The following COPS7A variants were observed in gnomAD, a reference collection of about 807,000 sequenced individuals.
COPS7A encodes COP9 signalosome subunit 7A, also known as COP9 signalosome complex subunit 7a.
Under a neutral mutation model 35.2 loss-of-function variants are expected in COPS7A, and 20 were observed. The ratio of observed to expected loss-of-function variants is 0.57; its 90% CI spans 0.40 to 0.83. The LOEUF (loss-of-function observed/expected upper bound fraction) is 0.83, where lower values mean the gene tolerates loss of function less well. Ranked by LOEUF, COPS7A falls within the 40% of genes least tolerant of loss-of-function variation. The pLI, the probability that COPS7A is intolerant of heterozygous loss-of-function variation, is 0.00. For missense variants in COPS7A, 247 were observed against 347.5 expected (o/e 0.71, Z 2.30); for synonymous variants, 139 against 141.4 (o/e 0.98, Z 0.12).
Position 6,729,442 on chromosome 12 carries a change from C to A in COPS7A, c.523C>A (p.Gln175Lys). ...CCTCAGTGCCATTGCCCGAACCCTG[C>A]AGGAATGGTGAGAACCGTATCCTGG... ...QDLSAIARTL[Q>K]EWCVGCEVVL... is the part of the protein sequence containing the mutation. The change falls in exon 5 of 8, where the codon CAG becomes AAG. Residue 175 changes from glutamine (Q) to lysine (K), a missense_variant. Gln to Lys is a moderately conservative substitution (Grantham distance 53). Coordinates refer to ENST00000543155, the MANE Select transcript of COPS7A (RefSeq NM_001164094.2). This position sits in a 1 kb window ranked among gnomAD's most constrained non-coding sequence, Gnocchi z 4.2. 1.2e-6 allele frequency: 2 copies of A among 1,613,510 alleles called. No individual in the cohort carries two copies. Among genetic ancestry groups the A allele is most frequent in the South Asian group, 2.2e-5 (2 of 91,072 alleles).
chr12:6,728,337 G>A (rs200503539), intron 4 of COPS7A, 26 bp downstream of exon 4: 5 of 1,592,844 alleles, frequency 3.1e-6, no homozygotes, highest in East Asian at 2.2e-5. Context: ...CCAGTCCTAC[G>A]GTCTAGAGCA....
rs1941187056 is a variant in COPS7A, at chr12:6,724,108, C to G, written c.-115C>G. 4.1e-6 allele frequency: 1 copy of G among 242,002 alleles called. No individual in the cohort carries two copies. The allele number at this position is 242,002 out of a possible 1,614,324, so 15.0% of individuals were successfully genotyped here. A position where few individuals can be genotyped will look rare whatever the true frequency, so the allele number is the denominator to read the frequency against. On this transcript the variant is annotated 5_prime_UTR_variant, in exon 1 of 8. Coordinates refer to ENST00000543155, the MANE Select transcript of COPS7A (RefSeq NM_001164094.2). Reference sequence around the variant, plus strand: ...GGCTTGGAACAGCTGCCGGAGGTGACGGAGCGGCGGCCCCGCCCGGTGCGC... The same window carrying G: ...GGCTTGGAACAGCTGCCGGAGGTGAGGGAGCGGCGGCCCCGCCCGGTGCGC...
intron 2 of COPS7A, among the ~76,000 whole-genome samples, chr12:6,727,032 T>C (rs927908328): frequency 1.3e-5 from 2 of 152,146 alleles, no homozygotes; most frequent in Admixed American, 6.5e-5. Flanking sequence ...CTGCAAGGAT[T>C]GATTGATTAA....
chr12:6,724,521 A>C (rs1941199948), intron 1 of COPS7A, 93 bp from the exon 2 acceptor site: 7 of 1,035,876 alleles, frequency 6.8e-6, no homozygotes, highest in Non-Finnish European at 1.0e-5. Flanking sequence ...CGCAGAACCG[A>C]CTTAGTGCCT....
rs1311678062 is a variant in COPS7A, at chr12:6,729,182, G to A, written c.328-65G>A. The A allele has an allele frequency of 1.9e-6, 3 of 1,571,128 alleles. No individual in the cohort carries two copies. The highest frequency in any genetic ancestry group is 2.2e-5 in the South Asian group (2 of 89,952). ...CTAGGGCAGGGGGAAAAGGAGGGAAGATTTTTGGAAGCCCTTCTCTACTAC... is the reference window on the plus strand; with the variant it reads ...CTAGGGCAGGGGGAAAAGGAGGGAAAATTTTTGGAAGCCCTTCTCTACTAC... On this transcript the variant is annotated intron_variant, in intron 4 of 7. Transcript: ENST00000543155. The surrounding 1 kb of genome is among the most constrained non-coding windows in gnomAD (Gnocchi z 4.2).
In COPS7A at chr12:6,728,212, T is replaced by G. The variant is rs182144203; in HGVS notation, c.239-11T>G. 2 of 1,612,726 alleles carry G rather than the reference T, an allele frequency of 1.2e-6. No individual in the cohort carries two copies. Among genetic ancestry groups the G allele is most frequent in the African/African-American group, 2.7e-5 (2 of 74,988 alleles). ...AATCAGGATTCCTTACACTTTGTCGTTTTTCCCTAGCTGAAGCCCGGAATC... is the reference window on the plus strand; with the variant it reads ...AATCAGGATTCCTTACACTTTGTCGGTTTTCCCTAGCTGAAGCCCGGAATC... On this transcript the variant is annotated splice_polypyrimidine_tract_variant and intron_variant, in intron 3 of 7. Coordinates refer to ENST00000543155, the MANE Select transcript of COPS7A (RefSeq NM_001164094.2).
At chr12:6,730,973 TC>T (rs764400753) in intron 7 of COPS7A, 26 bp from the exon 8 acceptor site, 17 of 1,605,818 alleles carry the variant, frequency 1.1e-5, no homozygotes, top group Admixed American at 1.0e-4. Context: ...TCTCTCTCTC[TC>T]TCTTTCTCTC....
At chr12:6,725,704 CAG>C in intron 2 of COPS7A, 1 of 456,102 alleles carries the variant, frequency 2.2e-6, no homozygotes, top group South Asian at 1.5e-5. Context: ...ACAAAAGTGG[CAG>C]AGTTAATTTA....
intron 2 of COPS7A, among the ~76,000 whole-genome samples, chr12:6,725,378 C>T (rs748820648): frequency 3.3e-5 from 5 of 152,034 alleles, no homozygotes; most frequent in African/African-American, 7.2e-5. Flanking sequence ...AGGATGATCT[C>T]GATCTCCTGA....
rs1428255205 is a variant in COPS7A, at chr12:6,731,480, T to C, written c.*441T>C. On this transcript the variant is annotated 3_prime_UTR_variant, in exon 8 of 8. Transcript: ENST00000543155. Reference sequence around the variant, plus strand: ...CTATTGAGCAGCCTCTGAAGAGCCATAGGGCCCCCACCTTTACTCACACCC... The same window carrying C: ...CTATTGAGCAGCCTCTGAAGAGCCACAGGGCCCCCACCTTTACTCACACCC... 5 of 341,764 alleles carry C rather than the reference T, an allele frequency of 1.5e-5. No individual in the cohort carries two copies. The highest frequency in any genetic ancestry group is 1.9e-5 in the Non-Finnish European group (4 of 207,312). 21.2% of individuals were successfully genotyped at this position (341,764 alleles called of 1,614,324 possible).
intron 7 of COPS7A, 61 bp downstream of exon 7, chr12:6,730,881 T>A (rs143075130): frequency 1.6e-4 from 264 of 1,601,652 alleles, no homozygotes; most frequent in African/African-American, 1.2e-3. Context: ...CCCAGGGACC[T>A]CACTGTCCTC....
chr12:6,730,115 C>G (rs1941354608), intron 5 of COPS7A, among the ~76,000 whole-genome samples: 1 of 152,188 alleles, frequency 6.6e-6, no homozygotes, highest in Admixed American at 6.5e-5. Flanking sequence ...TTCCAGGGCT[C>G]AAGCCACCCT....
chr12:6,727,158 G>A (rs953797572), intron 2 of COPS7A, among the ~76,000 whole-genome samples: 3 of 152,054 alleles, frequency 2.0e-5, no homozygotes, highest in Non-Finnish European at 4.4e-5. Context: ...CCAATGTGGC[G>A]AAACCCTGTT....
At chr12:6,727,845 A>G in intron 2 of COPS7A, 81 bp from the exon 3 acceptor site, 3 of 1,367,428 alleles carry the variant, frequency 2.2e-6, no homozygotes. Flanking sequence ...TGGGGCCAAA[A>G]AGTGGAGTTC....
intron 2 of COPS7A, chr12:6,725,994 G>A (rs73051647): frequency 0.068 from 30,037 of 440,356 alleles, 1,208 homozygotes; most frequent in Non-Finnish European, 0.09. Context: ...AGGTGAAACC[G>A]ATATGGCAGA....
intron 1 of COPS7A, chr12:6,724,388 G>A: frequency 1.8e-6 from 1 of 553,778 alleles, no homozygotes; most frequent in Non-Finnish European, 3.4e-6. Flanking sequence ...GGTTCAATGG[G>A]GTGCACGTGA....
intron 2 of COPS7A, among the ~76,000 whole-genome samples, chr12:6,727,380 TAGGAGGAG>T (rs1224144009): frequency 1.4e-5 from 2 of 143,714 alleles, no homozygotes; most frequent in East Asian, 4.1e-4. Context: ...TGATCCATGA[TAGGAGGAG>T]AGGAAATCTG....
intron 2 of COPS7A, among the ~76,000 whole-genome samples, chr12:6,726,604 A>G (rs1466820354): frequency 1.9e-5 from 1 of 52,432 alleles, no homozygotes; most frequent in Non-Finnish European, 4.0e-5. Context: ...CTCTGTCTCA[A>G]AAAAAAAAAT....
intron 7 of COPS7A, 64 bp from the exon 8 acceptor site, chr12:6,730,936 C>T: frequency 2.5e-6 from 4 of 1,589,664 alleles, no homozygotes; most frequent in Non-Finnish European, 3.4e-6. Context: ...GGGGGAGCCT[C>T]CAGGGGTTAG....
Sources: gnomAD v4.1 joint callset for allele counts (sites outside exome capture counted in the v4.1 genomes callset) on GRCh38, gnomAD v4.1.1 for gene constraint, Gnocchi (gnomAD v3.1) non-coding constraint, MANE v1.5 for transcripts, NCBI Gene and HGNC (gene_info 2026-07-23, HGNC 2026-07-21) for gene names.